The following HPX variants were observed in gnomAD, a reference collection of about 807,000 sequenced individuals.
HPX encodes the protein beta-1B-glycoprotein.
In HPX, 42 loss-of-function variants were observed where a neutral mutation model predicts 53.8. The ratio of observed to expected loss-of-function variants is 0.78; its 90% CI spans 0.61 to 1.01. HPX has a LOEUF of 1.01. HPX is among the 50% of genes least tolerant of loss of function. The probability of loss-of-function intolerance (pLI) is 0.00; values close to 1 mark genes in which losing one functional copy is unlikely to be tolerated. For missense variants in HPX, 547 were observed against 594.3 expected (o/e 0.92, Z 0.83); for synonymous variants, 229 against 221.1 (o/e 1.04, Z -0.32).
Position 6,431,740 on chromosome 11 carries a change from G to A in HPX, c.1030C>T (p.Arg344Trp), listed in dbSNP as rs764038271. 27 of 1,614,138 alleles carry A rather than the reference G, an allele frequency of 1.7e-5. No homozygotes were observed. The highest frequency in any genetic ancestry group is 1.7e-5 in the Admixed American group (1 of 60,024). ...GYTLVSGYPK[R>W]LEKEVGTPHG... ...GGGGTCCCGACTTCCTTCTCCAGCC[G>A]CTTCGGATAACCGCTTACTAGGGTA... The change falls in exon 9 of 10, where the codon CGG becomes TGG. Residue 344 changes from arginine (R) to tryptophan (W), a missense_variant. By Grantham distance (101) the Arg-to-Trp change is moderately radical (BLOSUM62 -3). Coordinates refer to ENST00000265983, the MANE Select transcript of HPX (RefSeq NM_000613.3).
At chr11:6,438,913 G>A (rs150589718) in intron 4 of HPX, among the ~76,000 whole-genome samples, 395 of 152,328 alleles carry the variant, frequency 2.6e-3, no homozygotes, top group Middle Eastern at 0.014. Context: ...CAGGCATTGT[G>A]AGAGGCACTG....
chr11:6,431,356 G>C lies in HPX; in HGVS notation c.1244C>G (p.Pro415Arg), dbSNP rs1849344663. Residue 415 changes from proline (P) to arginine (R), a missense_variant, in exon 10 of 10, where the codon CCT (proline) becomes CGT (arginine). Coordinates refer to ENST00000265983, the MANE Select transcript of HPX (RefSeq NM_000613.3). The stretch of plus-strand genomic sequence containing the variant: ...GGGACCATTGGCGGAACATGAGTTA[G>C]GGCCAAGGGACTTTTCCATACACAA... ...GALCMEKSLG[P>R]NSCSANGPGL... is the part of the protein sequence containing the mutation. The C allele has an allele frequency of 6.2e-7, 1 of 1,614,232 alleles. No individual in the cohort carries two copies. The highest frequency in any genetic ancestry group is 2.2e-5 in the East Asian group (1 of 44,888).
At chr11:6,435,048 G>A (rs771066661) in intron 7 of HPX, among the ~76,000 whole-genome samples, 2 of 152,034 alleles carry the variant, frequency 1.3e-5, no homozygotes, top group Admixed American at 6.6e-5. Flanking sequence ...GGCCAACATG[G>A]TGAAACCCTA....
intron 7 of HPX, among the ~76,000 whole-genome samples, chr11:6,435,137 T>C (rs1849398793): frequency 6.6e-6 from 1 of 151,802 alleles, no homozygotes; most frequent in African/African-American, 2.4e-5. Context: ...TAGCCAGGCA[T>C]GGTGGTATGC....
In HPX at chr11:6,438,371, C is replaced by T. The variant is rs148975036; in HGVS notation, c.475G>A (p.Val159Ile). ...CHRGECQAEGVLFFQGDREWF... is the reference protein window; with the variant it reads ...CHRGECQAEGILFFQGDREWF... ...CTGGACTGACCTTGGAAGAAGAGGA[C>T]GCCTTCAGCTTGACATTCTCCACGG... Residue 159 changes from valine to isoleucine, a missense_variant, in exon 5 of 10, where the codon GTC becomes ATC. Coordinates refer to ENST00000265983, the MANE Select transcript of HPX (RefSeq NM_000613.3). 7.4e-4 allele frequency: 1,190 copies of T among 1,614,156 alleles called. 13 individuals carry two copies. In the Admixed American group the frequency reaches 0.014, roughly 19 times the overall value.
intron 2 of HPX, 65 bp downstream of exon 2, chr11:6,440,604 CCAG>C: frequency 1.5e-6 from 1 of 664,168 alleles, no homozygotes; most frequent in Non-Finnish European, 2.4e-6. Flanking sequence ...AAAAAAAAAA[CCAG>C]AAGGTGATAA....
intron 5 of HPX, 34 bp downstream of exon 5, chr11:6,438,322 T>C (rs779579072): frequency 1.9e-5 from 31 of 1,608,756 alleles, no homozygotes; most frequent in Non-Finnish European, 2.6e-5. Context: ...AACCCACCAC[T>C]ACTCCAGGTT....
chr11:6,431,836 T>C, intron 8 of HPX, 33 bp from the exon 9 acceptor site: 2 of 1,613,808 alleles, frequency 1.2e-6, no homozygotes, highest in African/African-American at 1.3e-5. Context: ...AAATACAGAG[T>C]TGGATATGCT....
rs746524664 is a variant in HPX, at chr11:6,440,891, G to A, written c.73C>T (p.Pro25Ser). ...CCCAGCTTTACTCACGGAGGAAGAG[G>A]GGTGGCAATGGCCAGAGACCAGCAT... ...SLCWSLAIATPLPPTSAHGNV... is the reference protein window; with the variant it reads ...SLCWSLAIATSLPPTSAHGNV... Residue 25 changes from proline to serine, a missense_variant, in exon 1 of 10, where the codon CCT (proline) becomes TCT (serine). Physicochemically the swap from Pro to Ser is moderately conservative, Grantham distance 74. Coordinates refer to ENST00000265983, the MANE Select transcript of HPX (RefSeq NM_000613.3). 5 of 1,613,168 alleles carry A rather than the reference G, an allele frequency of 3.1e-6. No homozygotes were observed. The highest frequency in any genetic ancestry group is 1.7e-5 in the Admixed American group (1 of 59,914).
intron 2 of HPX, 45 bp from the exon 3 acceptor site, chr11:6,440,583 A>C (rs753680725): frequency 1.5e-6 from 2 of 1,330,570 alleles, no homozygotes; most frequent in South Asian, 1.4e-5. Context: ...AAAAAAAAAA[A>C]AAAAAAAAAA....
At chr11:6,436,757 T>C (rs1849422097) in intron 7 of HPX, among the ~76,000 whole-genome samples, 1 of 152,032 alleles carries the variant, frequency 6.6e-6, no homozygotes, top group South Asian at 2.1e-4. Flanking sequence ...CAGCAGGGCA[T>C]TGAGCAAGGA....
intron 3 of HPX, 36 bp from the exon 4 acceptor site, chr11:6,440,322 G>C: frequency 1.2e-6 from 2 of 1,612,738 alleles, no homozygotes; most frequent in Non-Finnish European, 1.7e-6. Context: ...GGCCCAGTGA[G>C]AAACCTTTGA....
chr11:6,439,241 C>T (rs1195579664), intron 4 of HPX, among the ~76,000 whole-genome samples: 1 of 152,176 alleles, frequency 6.6e-6, no homozygotes, highest in Non-Finnish European at 1.5e-5. Context: ...ATTCGTATGG[C>T]TGGCACACAG....
chr11:6,435,573 A>G (rs948052703), intron 7 of HPX, among the ~76,000 whole-genome samples: 2 of 152,008 alleles, frequency 1.3e-5, no homozygotes, highest in Non-Finnish European at 2.9e-5. Flanking sequence ...CAGCCTCTGA[A>G]GTAGATGGGA....
chr11:6,437,244 A>G, intron 6 of HPX, 67 bp from the exon 7 acceptor site: 1 of 1,551,644 alleles, frequency 6.4e-7, no homozygotes. Context: ...TCCAAGGTGG[A>G]AGAGATGGCT....
At chr11:6,432,083 T>C in intron 7 of HPX, 66 bp from the exon 8 acceptor site, 3 of 1,584,496 alleles carry the variant, frequency 1.9e-6, no homozygotes, top group South Asian at 2.2e-5. Context: ...AGGCTAGTGA[T>C]GAATGCAGAA....
chr11:6,431,667 C>A lies in HPX; in HGVS notation c.1103G>T (p.Gly368Val), dbSNP rs776401948. 6 of 1,614,040 alleles carry A rather than the reference C, an allele frequency of 3.7e-6. No homozygotes were observed. The highest frequency in any genetic ancestry group is 5.1e-6 in the Non-Finnish European group (6 of 1,180,034). Residue 368 changes from glycine to valine, a missense_variant, in exon 9 of 10, where the codon GGG becomes GTG. Gly to Val is a moderately radical substitution (Grantham distance 109). Transcript: ENST00000265983. The stretch of plus-strand genomic sequence containing the variant: ...TGCCATGATATGGAGCCGAGAAGAC[C>A]CAGGGCAGATAAAGGCCGCATCCAC... ...DSVDAAFICPGSSRLHIMAGR... is the reference protein window; with the variant it reads ...DSVDAAFICPVSSRLHIMAGR...
intron 5 of HPX, chr11:6,437,998 G>A (rs1849438639): frequency 2.0e-6 from 1 of 495,696 alleles, no homozygotes; most frequent in South Asian, 2.6e-5. Flanking sequence ...GAATAGCATA[G>A]GGTTTCTGGA....
rs143259003 is a variant in HPX, at chr11:6,431,722, C to T, written c.1048G>A (p.Gly350Arg). The change falls in exon 9 of 10, where the codon GGG becomes AGG. Residue 350 changes from glycine to arginine, a missense_variant. Gly to Arg is a moderately radical substitution (Grantham distance 125). Coordinates refer to ENST00000265983, the MANE Select transcript of HPX (RefSeq NM_000613.3). ...TCCAGGATAATCCCATGAGGGGTCC[C>T]GACTTCCTTCTCCAGCCGCTTCGGA... ...GYPKRLEKEVGTPHGIILDSV... is the reference protein window; with the variant it reads ...GYPKRLEKEVRTPHGIILDSV... 9.9e-6 allele frequency: 16 copies of T among 1,614,048 alleles called. No individual in the cohort carries two copies. Among genetic ancestry groups the T allele is most frequent in the Middle Eastern group, 1.6e-4 (1 of 6,084 alleles).
Sources: gnomAD v4.1 joint callset for allele counts (sites outside exome capture counted in the v4.1 genomes callset) on GRCh38, gnomAD v4.1.1 for gene constraint, MANE v1.5 for transcripts, NCBI Gene and HGNC (gene_info 2026-07-23, HGNC 2026-07-21) for gene names.